The following DEPTOR variants were observed in gnomAD, a reference collection of about 807,000 sequenced individuals.
DEPTOR encodes DEP domain containing MTOR interacting protein, also known as DEP domain-containing mTOR-interacting protein.
Under a neutral mutation model 41.6 loss-of-function variants are expected in DEPTOR, and 41 were observed. The observed-to-expected ratio is 0.98, with a 90% CI of 0.77 to 1.28. The LOEUF (loss-of-function observed/expected upper bound fraction) is 1.28, where lower values mean the gene tolerates loss of function less well. Ranked by LOEUF, DEPTOR falls within the 50% of genes most tolerant of loss-of-function variation. DEPTOR has a pLI of 0.00. For missense variants in DEPTOR, 514 were observed against 527.9 expected (o/e 0.97, Z 0.26); for synonymous variants, 195 against 192.3 (o/e 1.01, Z -0.12).
Position 120,049,800 on chromosome 8 carries a change from G to A in DEPTOR, c.*96G>A, listed in dbSNP as rs922051298. 1.3e-6 allele frequency: 2 copies of A among 1,522,238 alleles called. No individual in the cohort carries two copies. Among genetic ancestry groups the A allele is most frequent in the African/African-American group, 1.4e-5 (1 of 73,114 alleles). The allele number at this position is 1,522,238 out of a possible 1,614,324, so 94.3% of individuals were successfully genotyped here. On this transcript the variant is annotated 3_prime_UTR_variant, in exon 9 of 9. Coordinates refer to ENST00000286234, the MANE Select transcript of DEPTOR (RefSeq NM_022783.4). ...GACAAGATTGCCATGCAAATGGATGGTTTTGGACATACGAGTCTTCTCCGC... is the reference window on the plus strand; with the variant it reads ...GACAAGATTGCCATGCAAATGGATGATTTTGGACATACGAGTCTTCTCCGC...
chr8:119,976,133 A>G (rs935968247), intron 4 of DEPTOR, among the ~76,000 whole-genome samples: 8 of 151,722 alleles, frequency 5.3e-5, no homozygotes, highest in Non-Finnish European at 7.4e-5. Flanking sequence ...AAATGCTGGG[A>G]TTGCAGGCAT....
At chr8:119,923,889 C>CTTTTT (rs1827929723) in intron 1 of DEPTOR, among the ~76,000 whole-genome samples, 4 of 72,180 alleles carry the variant, frequency 5.5e-5, no homozygotes, top group African/African-American at 6.6e-5. Context: ...TTTCTTTTTT[C>CTTTTT]TTTCTTTTTT....
chr8:119,998,219 G>A (rs1181281411), intron 4 of DEPTOR, among the ~76,000 whole-genome samples: 1 of 152,202 alleles, frequency 6.6e-6, no homozygotes, highest in Non-Finnish European at 1.5e-5. Context: ...CTCCTGAGTA[G>A]TTGGGACTAA....
chr8:119,986,879 C>T (rs982492842), intron 4 of DEPTOR, among the ~76,000 whole-genome samples: 3 of 151,798 alleles, frequency 2.0e-5, no homozygotes, highest in Non-Finnish European at 2.9e-5. Flanking sequence ...TCAGCTTTAT[C>T]AGGTTATATA....
chr8:119,915,489 C>T (rs1270826979), intron 1 of DEPTOR, among the ~76,000 whole-genome samples: 2 of 152,154 alleles, frequency 1.3e-5, no homozygotes, highest in Non-Finnish European at 1.5e-5. Context: ...GGCTAGCTCT[C>T]TCATCAGCAG....
At chr8:119,907,992 C>A (rs1827685908) in intron 1 of DEPTOR, among the ~76,000 whole-genome samples, 1 of 152,094 alleles carries the variant, frequency 6.6e-6, no homozygotes, top group African/African-American at 2.4e-5. Flanking sequence ...GGTGGGACAC[C>A]TAGCTAGCCT....
chr8:119,971,523 C>G (rs1828633803), intron 4 of DEPTOR, among the ~76,000 whole-genome samples: 1 of 152,142 alleles, frequency 6.6e-6, no homozygotes, highest in African/African-American at 2.4e-5. Context: ...CAGGTTTGTC[C>G]ACAGACTTCA....
chr8:119,941,114 C>T (rs1054420081), intron 3 of DEPTOR, among the ~76,000 whole-genome samples: 10 of 152,006 alleles, frequency 6.6e-5, no homozygotes, highest in African/African-American at 2.4e-4. Context: ...TGGCAGATGC[C>T]TGTAATCCCA....
chr8:119,936,508 CTG>C (rs1305899674), intron 3 of DEPTOR, among the ~76,000 whole-genome samples: 1 of 152,172 alleles, frequency 6.6e-6, no homozygotes, highest in East Asian at 1.9e-4. Flanking sequence ...CTGTACAACT[CTG>C]TGAGTTATAT....
chr8:119,955,920 T>A (rs1563975445), intron 3 of DEPTOR, among the ~76,000 whole-genome samples: 3 of 152,244 alleles, frequency 2.0e-5, no homozygotes, highest in East Asian at 3.9e-4. Context: ...GAAGAACTCA[T>A]CTTGGCAGCA....
chr8:119,915,526 A>G (rs1033680327), intron 1 of DEPTOR, among the ~76,000 whole-genome samples: 1 of 152,178 alleles, frequency 6.6e-6, no homozygotes, highest in Non-Finnish European at 1.5e-5. Flanking sequence ...GCACTAGATT[A>G]GCAACTTCTG....
At chr8:119,908,834 G>A (rs774411665) in intron 1 of DEPTOR, among the ~76,000 whole-genome samples, 8 of 152,116 alleles carry the variant, frequency 5.3e-5, no homozygotes, top group Admixed American at 1.3e-4. Flanking sequence ...TGATAAATGC[G>A]GACTGATTTT....
Position 119,890,117 on chromosome 8 carries a change from G to A in DEPTOR, c.122+16149G>A, listed in dbSNP as rs72673605. 7.8e-3 allele frequency among the ~76,000 whole-genome samples: 1,178 copies of A among 151,880 alleles called. 9 individuals are homozygous for A. The highest frequency in any genetic ancestry group is 0.011 in the Non-Finnish European group (740 of 67,932). Reference sequence around the variant, plus strand: ...GAAGCTGGGATTACGGGCATGGGCCGCTACACCCAGCTAATTTTTGTATTT... The same window carrying A: ...GAAGCTGGGATTACGGGCATGGGCCACTACACCCAGCTAATTTTTGTATTT... On this transcript the variant is annotated intron_variant, in intron 1 of 8. Coordinates refer to ENST00000286234, the MANE Select transcript of DEPTOR (RefSeq NM_022783.4).
At chr8:119,950,435 A>T (rs2129923843) in intron 3 of DEPTOR, among the ~76,000 whole-genome samples, 1 of 151,968 alleles carries the variant, frequency 6.6e-6, no homozygotes, top group Non-Finnish European at 1.5e-5. Context: ...ATTTTTTTTG[A>T]GACGAAGTCT....
rs187817147 is a variant in DEPTOR at position 119,981,562 on chromosome 8, T to C, written c.604+16152T>C. 1.1e-4 allele frequency among the ~76,000 whole-genome samples: 16 copies of C among 150,134 alleles called. No individual in the cohort carries two copies. The East Asian group carries it at 3.1e-3, about 29-fold the overall frequency. On this transcript the variant is annotated intron_variant, in intron 4 of 8. Transcript: ENST00000286234. Reference sequence around the variant, plus strand: ...GTTCCAACTACTAAGGAAGCTGAGATGAGAGGATCACTTGAGCCTGGAAAA... The same window carrying C: ...GTTCCAACTACTAAGGAAGCTGAGACGAGAGGATCACTTGAGCCTGGAAAA...
chr8:119,980,381 C>G (rs901094428), intron 4 of DEPTOR, among the ~76,000 whole-genome samples: 5 of 152,136 alleles, frequency 3.3e-5, no homozygotes, highest in African/African-American at 1.2e-4. Context: ...TCTTGGAGAA[C>G]ACAGCTCTAG....
chr8:119,986,735 C>A (rs1828835328), intron 4 of DEPTOR, among the ~76,000 whole-genome samples: 1 of 151,812 alleles, frequency 6.6e-6, no homozygotes, highest in Non-Finnish European at 1.5e-5. Flanking sequence ...CCTTTTCATT[C>A]TTTTTTCTCT....
In DEPTOR at chr8:120,034,443, C is replaced by CT. The variant is rs148465030; in HGVS notation, c.1102-15111dup. Among the ~76,000 whole-genome samples, 559 of 91,548 alleles carry CT rather than the reference C, an allele frequency of 6.1e-3. 12 individuals carry two copies. The highest frequency in any genetic ancestry group is 0.033 in the East Asian group (101 of 3,060). 60.1% of individuals were successfully genotyped at this position (91,548 alleles called of 152,430 possible). A position where few individuals can be genotyped will look rare whatever the true frequency, so the allele number is the denominator to read the frequency against. ...TTTTTTTTTCTTTTTTTTCCTTTTT[C>CT]TTTTTTTTTTTTTTTTTTTTTTGAG... On this transcript the variant is annotated intron_variant, in intron 8 of 8. Transcript: ENST00000286234.
intron 1 of DEPTOR, among the ~76,000 whole-genome samples, chr8:119,899,389 C>CG (rs1467347892): frequency 9.2e-5 from 14 of 152,154 alleles, no homozygotes; most frequent in Non-Finnish European, 2.1e-4. Context: ...CATTCATTTT[C>CG]ATATCTTCTT....
Sources: allele counts gnomAD v4.1 joint callset (sites outside exome capture counted in the v4.1 genomes callset), GRCh38; gene constraint gnomAD v4.1.1; transcripts MANE v1.5; gene names NCBI Gene and HGNC (gene_info 2026-07-23, HGNC 2026-07-21).